Variants in NMU observed in about 807,000 individuals in gnomAD.
The protein encoded by NMU is neuromedin U, also known as neuromedin-U.
NMU carries 29 observed loss-of-function variants against 35.4 expected under a neutral mutation model. The ratio of observed to expected loss-of-function variants is 0.82; its 90% CI spans 0.61 to 1.12. The LOEUF (loss-of-function observed/expected upper bound fraction) is 1.12, where lower values mean the gene tolerates loss of function less well. NMU is among the 50% of genes most tolerant of loss of function. NMU has a pLI of 0.00. For synonymous variants in NMU, 78 were observed against 81.3 expected (o/e 0.96, Z 0.22); for missense variants, 199 against 206.2 (o/e 0.97, Z 0.21).
chr4:55,625,688 C>T (rs1201219947), intron 2 of NMU, among the ~76,000 whole-genome samples: 1 of 152,132 alleles, frequency 6.6e-6, no homozygotes, highest in African/African-American at 2.4e-5. Context: ...CTCCTATAGG[C>T]AACTCTTCCA....
chr4:55,619,575 G>A (rs564976977), intron 2 of NMU, among the ~76,000 whole-genome samples: 70 of 140,414 alleles, frequency 5.0e-4, no homozygotes, highest in Non-Finnish European at 5.5e-4. Context: ...CAAGGCGGCA[G>A]CGAGGCTGGG....
intron 6 of NMU, 50 bp downstream of exon 6, chr4:55,607,248 T>C: frequency 7.3e-7 from 1 of 1,370,848 alleles, no homozygotes; most frequent in Non-Finnish European, 1.0e-6. Context: ...AACAGTTTCA[T>C]TCTTTTAAAC....
At chr4:55,619,609 G>C (rs1432444112) in intron 2 of NMU, among the ~76,000 whole-genome samples, 1 of 125,798 alleles carries the variant, frequency 7.9e-6, no homozygotes, top group Admixed American at 8.5e-5. Flanking sequence ...CCATTGCCCA[G>C]GCTTGCTTAG....
chr4:55,595,341 T>G lies in NMU; in HGVS notation c.*75A>C, dbSNP rs1733122680. On this transcript the variant is annotated 3_prime_UTR_variant, in exon 10 of 10. Transcript: ENST00000264218. ...CAGAGTACATTTAGCAAGGATTTTTTTCAGAAGAAAACAAAATGTCAGTAC... is the reference window on the plus strand; with the variant it reads ...CAGAGTACATTTAGCAAGGATTTTTGTCAGAAGAAAACAAAATGTCAGTAC... 6.6e-6 allele frequency: 1 copy of G among 152,396 alleles called. No homozygotes were observed. The highest frequency in any genetic ancestry group is 2.1e-4 in the South Asian group (1 of 4,818). The allele number at this position is 152,396 out of a possible 1,614,324, so 9.4% of individuals were successfully genotyped here.
chr4:55,636,306 C>T (rs1279144471), upstream of NMU: 7 of 1,335,870 alleles, frequency 5.2e-6, no homozygotes, highest in African/African-American at 1.6e-5. The surrounding 1 kb of genome is among the most constrained non-coding windows in gnomAD (Gnocchi z 4.0). Flanking sequence ...ACTGAGCGCC[C>T]GGCGAGCCGC....
At chr4:55,604,680 T>TTTTTTTTTTTTG in intron 7 of NMU, among the ~76,000 whole-genome samples, 1 of 10,920 alleles carries the variant, frequency 9.2e-5, no homozygotes, top group Non-Finnish European at 2.1e-4. Context: ...GCCTGGCTAA[T>TTTTTTTTTTTTG]TTTTTTTTTT....
intron 3 of NMU, among the ~76,000 whole-genome samples, chr4:55,610,192 G>C (rs1733871197): frequency 6.6e-6 from 1 of 152,190 alleles, no homozygotes; most frequent in Non-Finnish European, 1.5e-5. Context: ...GTCGGGTGCA[G>C]GGGCTCACGC....
chr4:55,628,510 A>C lies in NMU; in HGVS notation c.171+1892T>G, dbSNP rs576480278. Among the ~76,000 whole-genome samples, 8 of 148,742 alleles carry C rather than the reference A, an allele frequency of 5.4e-5. No homozygotes were observed. In the East Asian group the frequency reaches 1.6e-3, roughly 30 times the overall value. On this transcript the variant is annotated intron_variant, in intron 2 of 9. Coordinates refer to ENST00000264218, the MANE Select transcript of NMU (RefSeq NM_006681.4). The stretch of plus-strand genomic sequence containing the variant: ...ATTATTATTATTATTATTATTATTT[A>C]TTTTTTGAGATGGAGTCTCACTCTG...
At chr4:55,610,464 GA>G (rs769375732) in intron 3 of NMU, among the ~76,000 whole-genome samples, 139 of 132,298 alleles carry the variant, frequency 1.1e-3, no homozygotes, top group East Asian at 1.1e-3. Context: ...CTCTGTCTCA[GA>G]AAAAAAAAAA....
At chr4:55,609,847 C>G (rs977596099) in intron 3 of NMU, among the ~76,000 whole-genome samples, 12 of 152,134 alleles carry the variant, frequency 7.9e-5, no homozygotes, top group African/African-American at 2.9e-4. Flanking sequence ...GAATTTAGCA[C>G]AGTAGCACCA....
intron 8 of NMU, among the ~76,000 whole-genome samples, chr4:55,599,522 T>A (rs1439092657): frequency 6.6e-6 from 1 of 152,310 alleles, no homozygotes; most frequent in South Asian, 2.1e-4. Context: ...ATGAACTTAC[T>A]GAAGTCAGGG....
chr4:55,602,255 A>G (rs28713371), intron 7 of NMU, among the ~76,000 whole-genome samples: 26,429 of 152,158 alleles, frequency 0.17, 2,448 homozygotes, highest in South Asian at 0.24. Context: ...AGTGTTTTAA[A>G]ATCTAAAACC....
At chr4:55,609,563 C>T (rs142051140) in intron 3 of NMU, among the ~76,000 whole-genome samples, 96 of 152,226 alleles carry the variant, frequency 6.3e-4, no homozygotes, top group Non-Finnish European at 1.1e-3. Context: ...TATCTACATG[C>T]CAAAGCTGTG....
chr4:55,601,996 C>CA (rs1390568693), intron 7 of NMU, among the ~76,000 whole-genome samples: 2 of 150,862 alleles, frequency 1.3e-5, no homozygotes, highest in African/African-American at 2.4e-5. Context: ...GACCCTGTCT[C>CA]AAAAAAATAA....
At position 55,604,032 on chromosome 4, in the gene NMU, T is replaced by A. The variant is rs766516406; in HGVS notation, c.435+1243A>T. Among the ~76,000 whole-genome samples the A allele has an allele frequency of 2.2e-5, 3 of 136,738 alleles. 1 individual carries two copies. The highest frequency in any genetic ancestry group is 4.7e-5 in the Non-Finnish European group (3 of 64,190). The allele number at this position is 136,738 out of a possible 152,430, so 89.7% of individuals were successfully genotyped here. Reference sequence around the variant, plus strand: ...GTATATATGTGTATATATATAATCCTAGAAATTATCAGTGTTACAAGGGTT... The same window carrying A: ...GTATATATGTGTATATATATAATCCAAGAAATTATCAGTGTTACAAGGGTT... On this transcript the variant is annotated intron_variant, in intron 7 of 9. Transcript: ENST00000264218.
chr4:55,605,242 T>C, intron 7 of NMU, 33 bp downstream of exon 7: 1 of 1,460,994 alleles, frequency 6.8e-7, no homozygotes, highest in Non-Finnish European at 9.6e-7. Context: ...CCACACGGAA[T>C]GGCAAAGCCA....
At chr4:55,619,900 G>C (rs1734313702) in intron 2 of NMU, among the ~76,000 whole-genome samples, 1 of 128,832 alleles carries the variant, frequency 7.8e-6, no homozygotes, top group African/African-American at 2.7e-5. Context: ...CCCCAGCAGG[G>C]GCACACTGAC....
At chr4:55,602,223 C>T (rs1215380048) in intron 7 of NMU, among the ~76,000 whole-genome samples, 1 of 152,042 alleles carries the variant, frequency 6.6e-6, no homozygotes, top group Non-Finnish European at 1.5e-5. Flanking sequence ...TGAAAGATGT[C>T]TAGCAAACAA....
intron 7 of NMU, among the ~76,000 whole-genome samples, chr4:55,604,027 A>ACGTATATATACATGTGTATATATACAC: frequency 3.4e-5 from 1 of 29,002 alleles, no homozygotes; most frequent in African/African-American, 1.0e-4. Flanking sequence ...GTATATATAT[A>ACGTATATATACATGTGTATATATACAC]ATCCTAGAAA....
Sources: gnomAD v4.1 joint callset for allele counts (sites outside exome capture counted in the v4.1 genomes callset) on GRCh38, gnomAD v4.1.1 for gene constraint, Gnocchi (gnomAD v3.1) non-coding constraint, MANE v1.5 for transcripts, NCBI Gene and HGNC (gene_info 2026-07-23, HGNC 2026-07-21) for gene names.